Variants in PTPRD observed in about 807,000 individuals in gnomAD.
The protein encoded by PTPRD is protein tyrosine phosphatase receptor type D, also known as receptor-type tyrosine-protein phosphatase delta.
A neutral mutation model predicts 214.5 loss-of-function variants in PTPRD; 34 were observed. That is an observed-to-expected ratio of 0.16 (90% CI 0.12 to 0.21). PTPRD has a LOEUF of 0.21. PTPRD is among the 10% of genes least tolerant of loss of function. The pLI is 1.00. For synonymous variants in PTPRD, 1,128 were observed against 845.7 expected (o/e 1.33, Z -5.79); for missense variants, 2,545 against 2,398.7 (o/e 1.06, Z -1.27).
At chr9:8,777,322 T>C (rs564366691) in intron 11 of PTPRD, among the ~76,000 whole-genome samples, 1 of 152,226 alleles carries the variant, frequency 6.6e-6, no homozygotes, top group South Asian at 2.1e-4. Context: ...ACCCAACTGG[T>C]TGACAAATTA....
At chr9:10,545,942 T>C (rs915571319) in intron 2 of PTPRD, among the ~76,000 whole-genome samples, 2 of 152,062 alleles carry the variant, frequency 1.3e-5, no homozygotes, top group Non-Finnish European at 2.9e-5. Context: ...TATAATAGAG[T>C]CTCATCTTCA....
At chr9:9,579,585 A>G (rs1231897305) in intron 7 of PTPRD, among the ~76,000 whole-genome samples, 1 of 151,656 alleles carries the variant, frequency 6.6e-6, no homozygotes, top group Non-Finnish European at 1.5e-5. Context: ...CTCCCCTGCC[A>G]CCTCCACACC....
chr9:8,537,604 T>C (rs1239661852), intron 14 of PTPRD, among the ~76,000 whole-genome samples: 1 of 152,016 alleles, frequency 6.6e-6, no homozygotes, highest in South Asian at 2.1e-4. Context: ...CATAGAATTA[T>C]GCCATGCAGG....
intron 35 of PTPRD, among the ~76,000 whole-genome samples, chr9:8,422,283 A>G (rs1242913580): frequency 6.6e-6 from 1 of 152,028 alleles, no homozygotes; most frequent in Non-Finnish European, 1.5e-5. Flanking sequence ...ATTTCTTCCC[A>G]TAAGTAAAAT....
chr9:10,031,778 C>G (rs905261435), intron 4 of PTPRD, among the ~76,000 whole-genome samples: 1 of 150,602 alleles, frequency 6.6e-6, no homozygotes, highest in South Asian at 2.1e-4. Flanking sequence ...TTACTAGATT[C>G]GTAGATCAAA....
At chr9:8,475,312 T>G (rs1297615232) in intron 30 of PTPRD, among the ~76,000 whole-genome samples, 1 of 152,210 alleles carries the variant, frequency 6.6e-6, no homozygotes, top group Non-Finnish European at 1.5e-5. Flanking sequence ...TGAAACATTC[T>G]GAGCCCTTTC....
At chr9:9,171,505 TA>T (rs2099917706) in intron 10 of PTPRD, among the ~76,000 whole-genome samples, 1 of 151,878 alleles carries the variant, frequency 6.6e-6, no homozygotes, top group African/African-American at 2.4e-5. Flanking sequence ...GAAGGGGTCT[TA>T]AATTTGAAAG....
intron 14 of PTPRD, among the ~76,000 whole-genome samples, chr9:8,547,567 C>T (rs1027906332): frequency 6.6e-6 from 1 of 150,394 alleles, no homozygotes; most frequent in African/African-American, 2.5e-5. Context: ...TGCTTGGGCC[C>T]AGGAGGTTGA....
At chr9:9,317,008 C>T (rs926971619) in intron 9 of PTPRD, among the ~76,000 whole-genome samples, 1 of 152,166 alleles carries the variant, frequency 6.6e-6, no homozygotes, top group Non-Finnish European at 1.5e-5. Context: ...TTCTCTCCTT[C>T]AAGGAAAGTG....
chr9:8,835,774 G>C (rs770967059), intron 11 of PTPRD, among the ~76,000 whole-genome samples: 1 of 152,186 alleles, frequency 6.6e-6, no homozygotes, highest in Non-Finnish European at 1.5e-5. Context: ...CTGGGCTCAA[G>C]TGATCCTCCC....
chr9:9,739,734 C>A (rs1472842362), intron 6 of PTPRD, among the ~76,000 whole-genome samples: 1 of 151,564 alleles, frequency 6.6e-6, no homozygotes, highest in Non-Finnish European at 1.5e-5. Context: ...TATTATTTCT[C>A]TTCTTTTGTA....
intron 3 of PTPRD, among the ~76,000 whole-genome samples, chr9:10,075,664 T>A (rs1263541092): frequency 6.6e-6 from 1 of 151,712 alleles, no homozygotes; most frequent in Non-Finnish European, 1.5e-5. Flanking sequence ...TTCATCTTTG[T>A]TTCTCTCATT....
intron 11 of PTPRD, among the ~76,000 whole-genome samples, chr9:8,948,182 G>C (rs1370628738): frequency 6.7e-6 from 1 of 150,354 alleles, no homozygotes; most frequent in Non-Finnish European, 1.5e-5. Flanking sequence ...ACCACACCCA[G>C]CTAATGTTTG....
chr9:9,959,795 TGAGCTTTTTCA>T (rs1587370858), intron 4 of PTPRD, among the ~76,000 whole-genome samples: 1 of 152,148 alleles, frequency 6.6e-6, no homozygotes, highest in East Asian at 1.9e-4. Context: ...GAACCAGCAG[TGAGCTTTTTCA>T]GATAAGCAAG....
chr9:10,289,240 T>C (rs1347020433), intron 3 of PTPRD, among the ~76,000 whole-genome samples: 1 of 152,174 alleles, frequency 6.6e-6, no homozygotes, highest in Admixed American at 6.6e-5. Flanking sequence ...CTATGTATTA[T>C]TTTATGTATT....
intron 14 of PTPRD, among the ~76,000 whole-genome samples, chr9:8,605,424 A>G (rs909192966): frequency 1.3e-5 from 2 of 152,152 alleles, no homozygotes; most frequent in African/African-American, 4.8e-5. Flanking sequence ...CACCAAAACC[A>G]TTTTTGAGAT....
At chr9:8,706,873 A>G (rs547974735) in intron 12 of PTPRD, among the ~76,000 whole-genome samples, 2 of 152,316 alleles carry the variant, frequency 1.3e-5, no homozygotes, top group East Asian at 3.9e-4. Context: ...AGCAATGTCC[A>G]CAGGTTAGCA....
intron 4 of PTPRD, among the ~76,000 whole-genome samples, chr9:10,001,338 C>T (rs981623344): frequency 1.3e-5 from 2 of 151,930 alleles, no homozygotes; most frequent in African/African-American, 4.8e-5. Context: ...AAAAGGGGTC[C>T]AAAAGAATAT....
intron 11 of PTPRD, among the ~76,000 whole-genome samples, chr9:8,911,243 G>A (rs936253762): frequency 6.6e-6 from 1 of 152,194 alleles, no homozygotes; most frequent in Non-Finnish European, 1.5e-5. Flanking sequence ...CCTGAGAAGA[G>A]ACATATAGAC....
Sources: allele counts gnomAD v4.1 joint callset (sites outside exome capture counted in the v4.1 genomes callset), GRCh38; gene constraint gnomAD v4.1.1; transcripts MANE v1.5; gene names NCBI Gene and HGNC (gene_info 2026-07-23, HGNC 2026-07-21).